The following CNBD2 variants were observed in gnomAD, a reference collection of about 807,000 sequenced individuals.
CNBD2 encodes the protein cyclic nucleotide binding domain containing 2.
Under a neutral mutation model 63.7 loss-of-function variants are expected in CNBD2, and 64 were observed. The observed-to-expected ratio is 1.00, with a 90% confidence interval of 0.82 to 1.24. CNBD2 has a LOEUF of 1.24. Among genes scored for constraint, CNBD2 ranks in the 50% most tolerant of loss-of-function variants. The probability of loss-of-function intolerance (pLI) is 0.00; values close to 1 mark genes in which losing one functional copy is unlikely to be tolerated. For synonymous variants in CNBD2, 229 were observed against 255.4 expected (o/e 0.90, Z 0.99); for missense variants, 691 against 713.5 (o/e 0.97, Z 0.36).
At chr20:36,008,219 T>TA (rs1853239417) in intron 8 of CNBD2, 78 bp from the exon 9 acceptor site, 38 of 1,237,020 alleles carry the variant, frequency 3.1e-5, no homozygotes, top group Non-Finnish European at 4.2e-5. Context: ...GTTCCTGTGA[T>TA]AAGCTTCAAC....
At chr20:35,979,670 C>T (rs6060739) in intron 3 of CNBD2, among the ~76,000 whole-genome samples, 43,125 of 152,100 alleles carry the variant, frequency 0.28, 7,306 homozygotes, top group African/African-American at 0.46. Flanking sequence ...TCAGCTAAGA[C>T]GACCCAGTGG....
intron 6 of CNBD2, 101 bp from the exon 7 acceptor site, chr20:35,987,294 G>A: frequency 7.4e-7 from 1 of 1,346,232 alleles, no homozygotes; most frequent in Non-Finnish European, 1.0e-6. Context: ...CTTCCACCCA[G>A]GCATCCTCCA....
At position 36,008,928 on chromosome 20, in the gene CNBD2, ACTT is replaced by A. The variant is rs1268874868; in HGVS notation, c.1148+455_1148+457del. Among the ~76,000 whole-genome samples, 1,194 of 149,798 alleles carry A rather than the reference ACTT, an allele frequency of 8.0e-3. 13 individuals carry two copies. The highest frequency in any genetic ancestry group is 0.029 in the African/African-American group (1,127 of 39,244). On this transcript the variant is annotated intron_variant, in intron 9 of 11. Coordinates refer to ENST00000373973, the MANE Select transcript of CNBD2 (RefSeq NM_001365709.1). ...TAGCTCTTATTTTAGAGGTCAAGGG[ACTT>A]GACCTCTCTAAGCTGTATTTCTTGG... is the stretch of plus-strand genomic sequence containing the variant.
At chr20:35,962,619 A>G (rs1399364808) in intron 2 of CNBD2, among the ~76,000 whole-genome samples, 3 of 152,172 alleles carry the variant, frequency 2.0e-5, no homozygotes, top group Non-Finnish European at 2.9e-5. Context: ...TAGGGGTGAC[A>G]TGTTCATGCA....
In CNBD2 at chr20:35,995,016, C is replaced by T. The variant is rs765918395; in HGVS notation, c.856-22C>T. 9 of 1,574,260 alleles carry T rather than the reference C, an allele frequency of 5.7e-6. No homozygotes were observed. In the South Asian group the frequency reaches 7.8e-5, roughly 14 times the overall value. Reference sequence around the variant, plus strand: ...GGAGCCTTAGGGGTTAACCCTTTTCCTATGTCCCTTGCTGTGTTCAGGGCA... The same window carrying T: ...GGAGCCTTAGGGGTTAACCCTTTTCTTATGTCCCTTGCTGTGTTCAGGGCA... On this transcript the variant is annotated intron_variant, in intron 7 of 11. Transcript: ENST00000373973.
intron 8 of CNBD2, among the ~76,000 whole-genome samples, chr20:36,004,285 C>G (rs1047177328): frequency 1.3e-5 from 2 of 152,186 alleles, no homozygotes; most frequent in African/African-American, 4.8e-5. Flanking sequence ...TAATACTCAG[C>G]TGAGCTTCAG....
chr20:35,975,192 G>A (rs1393555343), intron 2 of CNBD2, among the ~76,000 whole-genome samples: 8 of 134,110 alleles, frequency 6.0e-5, no homozygotes, highest in East Asian at 2.1e-4. Flanking sequence ...TAGTAGAGAC[G>A]GGGTTTCACC....
intron 1 of CNBD2, among the ~76,000 whole-genome samples, chr20:35,972,050 A>G (rs1254957210): frequency 6.6e-6 from 1 of 152,212 alleles, no homozygotes; most frequent in Non-Finnish European, 1.5e-5. Flanking sequence ...AAGCAAATTT[A>G]TTATATTACA....
chr20:35,990,812 G>A (rs978750850), intron 7 of CNBD2, among the ~76,000 whole-genome samples: 1 of 151,828 alleles, frequency 6.6e-6, no homozygotes, highest in African/African-American at 2.4e-5. Flanking sequence ...CTAGCCAGGC[G>A]TGGTGGTGTG....
intron 10 of CNBD2, among the ~76,000 whole-genome samples, chr20:36,018,313 T>C (rs2057162263): frequency 6.6e-6 from 1 of 152,118 alleles, no homozygotes; most frequent in African/African-American, 2.4e-5. Context: ...GGCCCTGCAA[T>C]GCTGGAACAG....
intron 7 of CNBD2, among the ~76,000 whole-genome samples, chr20:35,992,173 G>T (rs113408723): frequency 6.6e-6 from 1 of 152,062 alleles, no homozygotes; most frequent in Admixed American, 6.6e-5. Context: ...GAACCACCGC[G>T]CCTGGCGGGG....
chr20:36,000,973 C>T lies in CNBD2; in HGVS notation c.970+5821C>T, dbSNP rs2056890777. Among the ~76,000 whole-genome samples the T allele has an allele frequency of 2.7e-5, 4 of 150,796 alleles. No homozygotes were observed. The South Asian group carries it at 8.4e-4, about 32-fold the overall frequency. ...TCTTAACGAGCATGCTGCCTTCAAG[C>T]ATCTGTTTAACAAAGCACATCTTGC... is the stretch of plus-strand genomic sequence containing the variant. On this transcript the variant is annotated intron_variant, in intron 8 of 11. Transcript: ENST00000373973.
chr20:35,970,523 A>G (rs770462942), intron 1 of CNBD2, among the ~76,000 whole-genome samples: 51 of 151,810 alleles, frequency 3.4e-4, no homozygotes, highest in Non-Finnish European at 1.9e-4. Flanking sequence ...CAGCCTCCTG[A>G]GTAGCTGGGA....
intron 11 of CNBD2, among the ~76,000 whole-genome samples, chr20:36,024,071 C>G (rs2057254531): frequency 6.6e-6 from 1 of 152,256 alleles, no homozygotes; most frequent in Non-Finnish European, 1.5e-5. Flanking sequence ...TGCGATGGCT[C>G]ACGCCTATAA....
chr20:35,998,040 C>CTTTTTTTTTTTT (rs1046661526), intron 8 of CNBD2, among the ~76,000 whole-genome samples: 11 of 127,118 alleles, frequency 8.7e-5, no homozygotes, highest in Non-Finnish European at 1.2e-4. Flanking sequence ...TTTTCTTTTT[C>CTTTTTTTTTTTT]TTTTTTTTTT....
rs557573497 is a variant in CNBD2 at position 36,024,034 on chromosome 20, C to A, written c.1439+263C>A. 2.6e-5 allele frequency among the ~76,000 whole-genome samples: 4 copies of A among 152,300 alleles called. No individual in the cohort carries two copies. The East Asian group carries it at 7.7e-4, about 29-fold the overall frequency. Reference sequence around the variant, plus strand: ...GAGCCGAAATATGGAGAAAGCCCTGCATTAAGATGTTCATTGCAGGGTTGG... The same window carrying A: ...GAGCCGAAATATGGAGAAAGCCCTGAATTAAGATGTTCATTGCAGGGTTGG... On this transcript the variant is annotated intron_variant, in intron 11 of 11. Coordinates refer to ENST00000373973, the MANE Select transcript of CNBD2 (RefSeq NM_001365709.1).
chr20:36,030,435 G>A lies in CNBD2; in HGVS notation c.1518G>A (p.Val506=), dbSNP rs918909698. 8 of 1,614,020 alleles carry A rather than the reference G, an allele frequency of 5.0e-6. No individual in the cohort carries two copies. The African/African-American group carries it at 1.1e-4, about 22-fold the overall frequency. The change falls in exon 12 of 12, where the codon GTG becomes GTA. Residue 506 remains valine (V), a synonymous_variant. Coordinates refer to ENST00000373973, the MANE Select transcript of CNBD2 (RefSeq NM_001365709.1). The part of the protein sequence containing the change: ...IFRKDLLQLL[V]EPCQSQLFTP... Reference sequence around the variant, plus strand: ...GGAAGGACCTGTTGCAGCTGCTCGTGGAGCCTTGCCAAAGTCAACTGTTCA... The same window carrying A: ...GGAAGGACCTGTTGCAGCTGCTCGTAGAGCCTTGCCAAAGTCAACTGTTCA...
At chr20:36,007,479 A>C (rs988142851) in intron 8 of CNBD2, among the ~76,000 whole-genome samples, 12 of 151,942 alleles carry the variant, frequency 7.9e-5, no homozygotes, top group Non-Finnish European at 1.5e-4. Context: ...ACTCTCATGG[A>C]GGGCCTATTA....
chr20:36,017,590 C>G (rs2057152329), intron 10 of CNBD2, among the ~76,000 whole-genome samples: 1 of 152,212 alleles, frequency 6.6e-6, no homozygotes, highest in Non-Finnish European at 1.5e-5. Flanking sequence ...TAGCTCCTCT[C>G]CTCTCCCTGC....
Sources: gnomAD v4.1 joint callset for allele counts (sites outside exome capture counted in the v4.1 genomes callset) on GRCh38, gnomAD v4.1.1 for gene constraint, MANE v1.5 for transcripts, NCBI Gene and HGNC (gene_info 2026-07-23, HGNC 2026-07-21) for gene names.